PDE1C: variants seen among roughly 807,000 people sequenced by gnomAD.
The protein encoded by PDE1C is phosphodiesterase 1C, also known as dual specificity calcium/calmodulin-dependent 3',5'-cyclic nucleotide phosphodiesterase 1C.
In PDE1C, 62 loss-of-function variants were observed where a neutral mutation model predicts 93.1. That is an observed-to-expected ratio of 0.67 (90% CI 0.54 to 0.82). The LOEUF is 0.82. Ranked by LOEUF, PDE1C falls within the 40% of genes least tolerant of loss-of-function variation. PDE1C has a pLI of 0.00. For synonymous variants in PDE1C, 325 were observed against 310.1 expected (o/e 1.05, Z -0.50); for missense variants, 742 against 884.6 (o/e 0.84, Z 2.04).
At chr7:31,621,194 T>C in the PDE1C span, among the ~76,000 whole-genome samples, 1 of 152,088 alleles carries the variant, frequency 6.6e-6, no homozygotes, top group East Asian at 1.9e-4. Context: ...CAGGATATTA[T>C]CCAGGAGAAC....
At chr7:32,126,247 T>TA (rs1799577264) in intron 3 of PDE1C, among the ~76,000 whole-genome samples, 3 of 105,456 alleles carry the variant, frequency 2.8e-5, no homozygotes, top group African/African-American at 1.0e-4. Context: ...ATAGATAGAT[T>TA]CATTTAAATA....
exon 1 of PDE1C, chr7:32,299,326 A>G: frequency 1.0e-6 from 1 of 985,726 alleles, no homozygotes; most frequent in Non-Finnish European, 1.2e-6. Flanking sequence ...CAAACAAGGA[A>G]GTCGGGAAAA....
chr7:31,724,159 G>A, the PDE1C span, among the ~76,000 whole-genome samples: 1 of 152,134 alleles, frequency 6.6e-6, no homozygotes, highest in Non-Finnish European at 1.5e-5. Flanking sequence ...GTTCTTTGGT[G>A]TCTTTGTGGC....
Position 31,961,250 on chromosome 7 carries a change from A to G in PDE1C, c.129-80390T>C, listed in dbSNP as rs1218949224. ...CGTACATGTATATGTATATGTATAT[A>G]TATATATATATACACACACACAGGC... On this transcript the variant is annotated intron_variant, in intron 2 of 17. Transcript: ENST00000396191. Among the ~76,000 whole-genome samples the G allele has an allele frequency of 7.3e-5, 11 of 150,740 alleles. 1 individual carries two copies. The highest frequency in any genetic ancestry group is 2.2e-4 in the African/African-American group (9 of 40,678).
At chr7:32,272,692 G>A (rs907174553) in intron 1 of PDE1C, among the ~76,000 whole-genome samples, 5 of 152,158 alleles carry the variant, frequency 3.3e-5, no homozygotes, top group African/African-American at 4.8e-5. Flanking sequence ...ATGACTTAAC[G>A]ATTGTTCTAA....
At chr7:32,155,209 G>A (rs1379804547) in intron 3 of PDE1C, among the ~76,000 whole-genome samples, 1 of 152,212 alleles carries the variant, frequency 6.6e-6, no homozygotes, top group Non-Finnish European at 1.5e-5. Context: ...TGTGGGTTCT[G>A]GAGCCAAACT....
intron 2 of PDE1C, among the ~76,000 whole-genome samples, chr7:32,183,078 G>C (rs892605432): frequency 6.6e-6 from 1 of 152,014 alleles, no homozygotes; most frequent in African/African-American, 2.4e-5. Context: ...AAATACCTAG[G>C]AATCCAACTT....
rs565800176 is a variant in PDE1C, at chr7:32,174,941, C to T, written c.137-4985G>A. 3.3e-4 allele frequency among the ~76,000 whole-genome samples: 50 copies of T among 152,192 alleles called. No homozygotes were observed. In the South Asian group the frequency reaches 9.8e-3, roughly 30 times the overall value. ...TATATAGATGTGATTAATAAAACTA[C>T]AAATTCATCTAAAACTATTAATGAA... On this transcript the variant is annotated intron_variant, in intron 2 of 18. Coordinates refer to the PDE1C transcript ENST00000396193.
At chr7:31,681,006 C>T in the PDE1C span, among the ~76,000 whole-genome samples, 6 of 152,164 alleles carry the variant, frequency 3.9e-5, no homozygotes, top group African/African-American at 9.7e-5. Flanking sequence ...GAAGTAGGGA[C>T]CAGCCTAGCC....
At chr7:32,177,176 A>G (rs529272051) in intron 2 of PDE1C, among the ~76,000 whole-genome samples, 2 of 152,356 alleles carry the variant, frequency 1.3e-5, no homozygotes, top group South Asian at 4.1e-4. Flanking sequence ...TGCGTCCAAC[A>G]TAAGGTCTTG....
At chr7:32,003,944 A>G (rs896092911) in intron 2 of PDE1C, among the ~76,000 whole-genome samples, 5 of 152,212 alleles carry the variant, frequency 3.3e-5, no homozygotes, top group African/African-American at 1.2e-4. Context: ...AGTGAGGAAG[A>G]CCTTTCTAAC....
intron 3 of PDE1C, among the ~76,000 whole-genome samples, chr7:32,161,944 G>T (rs1393740784): frequency 6.6e-6 from 1 of 152,090 alleles, no homozygotes; most frequent in African/African-American, 2.4e-5. Flanking sequence ...TTTCTCAACG[G>T]CCCAAGAAGA....
intron 2 of PDE1C, among the ~76,000 whole-genome samples, chr7:32,029,513 A>T (rs1789980959): frequency 6.6e-6 from 1 of 152,128 alleles, no homozygotes; most frequent in Non-Finnish European, 1.5e-5. Context: ...TAAATCAAGA[A>T]ATAATAGGTG....
intron 2 of PDE1C, among the ~76,000 whole-genome samples, chr7:31,953,390 T>G (rs1038706529): frequency 6.6e-5 from 10 of 152,140 alleles, no homozygotes; most frequent in African/African-American, 1.9e-4. Flanking sequence ...AATCTCAAAG[T>G]AAATACAAAA....
In PDE1C at chr7:31,771,852, G is replaced by A. The variant is rs569930202; in HGVS notation, c.1960+3812C>T. 2.0e-5 allele frequency among the ~76,000 whole-genome samples: 3 copies of A among 152,066 alleles called. No individual in the cohort carries two copies. In the South Asian group the frequency reaches 6.2e-4, roughly 32 times the overall value. On this transcript the variant is annotated intron_variant, in intron 17 of 17. Coordinates refer to ENST00000396191, the MANE Select transcript of PDE1C (RefSeq NM_001191057.4). ...AGGCAGATCACAAGGTCAGGAGATC[G>A]AGACCATCCTGGATAACATGGTGAA...
At position 31,775,659 on chromosome 7, in the gene PDE1C, C is replaced by G. The variant is rs759235406; in HGVS notation, c.1960+5G>C. The G allele has an allele frequency of 6.2e-7, 1 of 1,611,596 alleles. No homozygotes were observed. Among genetic ancestry groups the G allele is most frequent in the Admixed American group, 1.7e-5 (1 of 60,002 alleles). On this transcript the variant is annotated splice_donor_5th_base_variant and intron_variant, in intron 17 of 17. Coordinates refer to ENST00000396191, the MANE Select transcript of PDE1C (RefSeq NM_001191057.4). ...TAAGATAATGGTGCAATGCTGTTTA[C>G]CCACCTGGCAACGTAAGGCGACACG...
chr7:31,940,383 C>T (rs902894658), intron 2 of PDE1C, among the ~76,000 whole-genome samples: 1 of 152,148 alleles, frequency 6.6e-6, no homozygotes, highest in South Asian at 2.1e-4. Flanking sequence ...AGACTTGAGT[C>T]TGTTTTCTCC....
chr7:31,929,933 A>C (rs563832485), intron 2 of PDE1C, among the ~76,000 whole-genome samples: 80 of 152,340 alleles, frequency 5.3e-4, no homozygotes, highest in Non-Finnish European at 1.5e-5. Context: ...AGCAGAACTG[A>C]AGGAGACACA....
intron 3 of PDE1C, among the ~76,000 whole-genome samples, chr7:32,104,525 G>A (rs1008271009): frequency 7.2e-5 from 11 of 152,148 alleles, no homozygotes; most frequent in Non-Finnish European, 8.8e-5. Flanking sequence ...GCTCTCCCCA[G>A]GGCTCAACTT....
Sources: allele counts gnomAD v4.1 joint callset (sites outside exome capture counted in the v4.1 genomes callset), GRCh38; gene constraint gnomAD v4.1.1; transcripts MANE v1.5; gene names NCBI Gene and HGNC (gene_info 2026-07-23, HGNC 2026-07-21).